Variants in TEX9 observed in about 807,000 individuals in gnomAD.
The protein encoded by TEX9 is testis-expressed protein 9.
TEX9 carries 74 observed loss-of-function variants against 59.6 expected under a neutral mutation model. The ratio of observed to expected loss-of-function variants is 1.24; its 90% confidence interval spans 1.03 to 1.51. TEX9 has a LOEUF of 1.51. Ranked by LOEUF, TEX9 falls within the 40% of genes most tolerant of loss-of-function variation. The pLI is 0.00. For missense variants in TEX9, 522 were observed against 447.8 expected (o/e 1.17, Z -1.49); for synonymous variants, 186 against 152.2 (o/e 1.22, Z -1.64).
At chr15:56,386,653 T>C (rs1274482963) in intron 4 of TEX9, among the ~76,000 whole-genome samples, 6 of 152,018 alleles carry the variant, frequency 3.9e-5, no homozygotes, top group African/African-American at 1.4e-4. Flanking sequence ...TATGTAATAC[T>C]GTGATATTCT....
chr15:56,329,396 T>A (rs1434507865), intron 1 of TEX9, among the ~76,000 whole-genome samples: 19 of 151,972 alleles, frequency 1.3e-4, no homozygotes, highest in Admixed American at 1.0e-3. Flanking sequence ...TCAACAAACA[T>A]CAAGACCATC....
At chr15:56,316,921 C>G (rs1398686916) in intron 1 of TEX9, among the ~76,000 whole-genome samples, 1 of 152,130 alleles carries the variant, frequency 6.6e-6, no homozygotes, top group Non-Finnish European at 1.5e-5. Context: ...TTCCAGGTGC[C>G]GTCCGTCACC....
chr15:56,453,039 T>G, the TEX9 span, among the ~76,000 whole-genome samples: 1 of 152,244 alleles, frequency 6.6e-6, no homozygotes, highest in Non-Finnish European at 1.5e-5. Context: ...ATTAGTCAGT[T>G]ATATTTTCTT....
At chr15:56,384,331 C>G (rs2047868576) in intron 4 of TEX9, among the ~76,000 whole-genome samples, 1 of 152,016 alleles carries the variant, frequency 6.6e-6, no homozygotes. Flanking sequence ...TGATGATCAC[C>G]AAACATTCCA....
intron 10 of TEX9, among the ~76,000 whole-genome samples, chr15:56,416,585 T>C (rs1335778894): frequency 6.6e-6 from 1 of 151,926 alleles, no homozygotes; most frequent in Admixed American, 6.6e-5. Context: ...GATAAGCTTT[T>C]TGATTTGCTC....
chr15:56,431,264 A>T, intron 12 of TEX9: 1 of 1,306,618 alleles, frequency 7.7e-7, no homozygotes, highest in Non-Finnish European at 1.1e-6. Context: ...TTGCTGCTTC[A>T]TAACCGAGCA....
intron 1 of TEX9, among the ~76,000 whole-genome samples, chr15:56,309,528 G>T (rs1045202275): frequency 6.6e-6 from 1 of 151,886 alleles, no homozygotes; most frequent in Non-Finnish European, 1.5e-5. Flanking sequence ...TTTTTCTCTT[G>T]TGAAATCTTT....
rs1165689285 is a variant in TEX9 at position 56,311,970 on chromosome 15, T to C, written c.-106-61471T>C. Among the ~76,000 whole-genome samples the C allele has an allele frequency of 8.1e-4, 122 of 149,834 alleles. 1 individual carries two copies. The highest frequency in any genetic ancestry group is 1.2e-3 in the East Asian group (6 of 5,114). On this transcript the variant is annotated intron_variant, in intron 1 of 5. Coordinates refer to the TEX9 transcript ENST00000560827. Reference sequence around the variant, plus strand: ...TTGAGAAGTGTCTGTTCATGTCCTTTGCCCACTTTTTGATGGGGTTGTTTG... The same window carrying C: ...TTGAGAAGTGTCTGTTCATGTCCTTCGCCCACTTTTTGATGGGGTTGTTTG...
chr15:56,306,135 C>G (rs767179139), intron 1 of TEX9, among the ~76,000 whole-genome samples: 1 of 151,376 alleles, frequency 6.6e-6, no homozygotes, highest in Non-Finnish European at 1.5e-5. Flanking sequence ...AAAGGTAACC[C>G]TTGTACACTG....
chr15:56,394,869 C>A (rs1567120431), intron 9 of TEX9, 35 bp downstream of exon 9: 1 of 1,574,110 alleles, frequency 6.4e-7, no homozygotes, highest in Non-Finnish European at 8.6e-7. Flanking sequence ...CTTAATGCCA[C>A]AGATACAAGA....
intron 5 of TEX9, 97 bp downstream of exon 5, chr15:56,388,617 C>T: frequency 2.0e-6 from 2 of 987,658 alleles, no homozygotes; most frequent in Admixed American, 1.8e-5. Context: ...GGGTATGACT[C>T]AACAGAAATA....
chr15:56,318,071 G>A (rs1368066705), intron 1 of TEX9, among the ~76,000 whole-genome samples: 3 of 152,040 alleles, frequency 2.0e-5, no homozygotes, highest in Admixed American at 6.6e-5. Context: ...TATTGAAACT[G>A]GGTTACTGAA....
At chr15:56,327,895 G>C (rs569254857) in intron 1 of TEX9, among the ~76,000 whole-genome samples, 2 of 152,212 alleles carry the variant, frequency 1.3e-5, no homozygotes, top group East Asian at 3.9e-4. Flanking sequence ...AGGTAAACTT[G>C]AAAGGCAGTC....
At chr15:56,310,395 G>A (rs1159928734) in intron 1 of TEX9, among the ~76,000 whole-genome samples, 1 of 152,202 alleles carries the variant, frequency 6.6e-6, no homozygotes, top group African/African-American at 2.4e-5. Context: ...TTGGGCCATT[G>A]CACTCCAGCC....
intron 12 of TEX9, chr15:56,443,599 A>G: frequency 6.3e-7 from 1 of 1,590,370 alleles, no homozygotes; most frequent in Non-Finnish European, 8.6e-7. Context: ...CTAATATTTC[A>G]GAATTTTACT....
chr15:56,384,076 C>G (rs774981818), intron 4 of TEX9, 45 bp downstream of exon 4: 3 of 1,443,252 alleles, frequency 2.1e-6, no homozygotes, highest in Non-Finnish European at 2.9e-6. Context: ...AAAGGATGTA[C>G]ATGGATCGTT....
intron 2 of TEX9, among the ~76,000 whole-genome samples, chr15:56,370,415 T>C (rs2047143976): frequency 6.6e-6 from 1 of 152,212 alleles, no homozygotes; most frequent in Non-Finnish European, 1.5e-5. Flanking sequence ...CTTCCTGAAG[T>C]GTAGACCCTT....
chr15:56,431,410 T>A, intron 12 of TEX9: 1 of 1,613,488 alleles, frequency 6.2e-7, no homozygotes, highest in African/African-American at 1.3e-5. Flanking sequence ...AGCATGCTCT[T>A]TAAGAAGTTT....
At chr15:56,326,809 T>C (rs2046028621) in intron 1 of TEX9, among the ~76,000 whole-genome samples, 1 of 152,152 alleles carries the variant, frequency 6.6e-6, no homozygotes, top group African/African-American at 2.4e-5. Flanking sequence ...AGAGCTATAT[T>C]CCACAAATCT....
Sources: allele counts gnomAD v4.1 joint callset (sites outside exome capture counted in the v4.1 genomes callset), GRCh38; gene constraint gnomAD v4.1.1; transcripts MANE v1.5; gene names NCBI Gene and HGNC (gene_info 2026-07-23, HGNC 2026-07-21).